SPHKAP: variants seen among roughly 807,000 people sequenced by gnomAD.
The protein encoded by SPHKAP is SPHK1 interactor, AKAP domain containing, also known as A-kinase anchor protein SPHKAP.
In SPHKAP, 67 loss-of-function variants were observed where a neutral mutation model predicts 137.5. The observed-to-expected ratio is 0.49, with a 90% CI of 0.40 to 0.60. SPHKAP has a LOEUF of 0.60. Ranked by LOEUF, SPHKAP falls within the 20% of genes least tolerant of loss-of-function variation. The probability of loss-of-function intolerance (pLI) is 0.00; values close to 1 mark genes in which losing one functional copy is unlikely to be tolerated. For synonymous variants in SPHKAP, 813 were observed against 785.3 expected (o/e 1.04, Z -0.59); for missense variants, 2,097 against 2,069.3 (o/e 1.01, Z -0.26).
intron 3 of SPHKAP, among the ~76,000 whole-genome samples, chr2:228,047,162 A>C (rs1206498406): frequency 6.6e-6 from 1 of 152,186 alleles, no homozygotes; most frequent in Non-Finnish European, 1.5e-5. Flanking sequence ...ACAAGAAGTT[A>C]CTTTAAAAAT....
intron 3 of SPHKAP, among the ~76,000 whole-genome samples, chr2:228,044,286 G>A (rs1360338323): frequency 6.6e-6 from 1 of 152,210 alleles, no homozygotes; most frequent in Non-Finnish European, 1.5e-5. Flanking sequence ...ACATAGGGAA[G>A]TAGAAAAATA....
At chr2:228,061,993 T>C (rs1199576800) in intron 3 of SPHKAP, among the ~76,000 whole-genome samples, 3 of 152,044 alleles carry the variant, frequency 2.0e-5, no homozygotes, top group East Asian at 1.9e-4. Flanking sequence ...CTTGGAAATA[T>C]GTTTAGTGTG....
chr2:228,113,102 GC>G (rs1177536851), intron 2 of SPHKAP, among the ~76,000 whole-genome samples: 1 of 152,054 alleles, frequency 6.6e-6, no homozygotes, highest in Non-Finnish European at 1.5e-5. Context: ...ATATTCATTT[GC>G]CACATACATG....
chr2:228,003,248 A>T (rs1279784504), intron 7 of SPHKAP, among the ~76,000 whole-genome samples: 6 of 152,122 alleles, frequency 3.9e-5, no homozygotes, highest in African/African-American at 1.4e-4. Flanking sequence ...TTCGTTGAGC[A>T]GTGGTTTGTA....
At chr2:228,030,566 T>TAAAAAAAAAAAAAAA (rs1695269812) in intron 3 of SPHKAP, among the ~76,000 whole-genome samples, 1 of 132,804 alleles carries the variant, frequency 7.5e-6, no homozygotes, top group African/African-American at 2.8e-5. Context: ...ATAAAAAAAT[T>TAAAAAAAAAAAAAAA]AAAATATTCT....
chr2:228,071,653 T>C (rs1697009630), intron 3 of SPHKAP, among the ~76,000 whole-genome samples: 1 of 152,234 alleles, frequency 6.6e-6, no homozygotes, highest in Non-Finnish European at 1.5e-5. Flanking sequence ...TCTGGTGGTA[T>C]AGCTGCAGTG....
rs374395516 is a variant in SPHKAP at position 228,017,652 on chromosome 2, G to T, written c.3202C>A (p.Arg1068=). The T allele has an allele frequency of 3.1e-6, 5 of 1,613,956 alleles. No individual in the cohort carries two copies. The highest frequency in any genetic ancestry group is 4.2e-6 in the Non-Finnish European group (5 of 1,180,026). ...MWQAQGYPRN[R]LLSGDRWSRL... is the part of the protein sequence containing the mutation. ...CTCCACCTGTCGCCACTCAGTAACCGATTCCGGGGATAGCCCTGCGCCTGC... is the reference window on the plus strand; with the variant it reads ...CTCCACCTGTCGCCACTCAGTAACCTATTCCGGGGATAGCCCTGCGCCTGC... The change falls in exon 7 of 12, where the codon CGG becomes AGG. Residue 1068 remains arginine, a synonymous_variant. Transcript: ENST00000392056.
rs1196541914 is a variant in SPHKAP, at chr2:228,019,135, C to A, written c.1719G>T (p.Leu573=). ...QVASAVAVCG[L]GEREEVTCSV... ...AGCATGTCACCTCTTCTCTTTCACC[C>A]AGACCACAGACAGCCACGGCACTGG... The change falls in exon 7 of 12, where the codon CTG becomes CTT. Residue 573 remains leucine (L), a synonymous_variant. Transcript: ENST00000392056. 1 of 1,613,920 alleles carries A rather than the reference C, an allele frequency of 6.2e-7. No individual in the cohort carries two copies. Among genetic ancestry groups the A allele is most frequent in the Non-Finnish European group, 8.5e-7 (1 of 1,180,028 alleles).
intron 2 of SPHKAP, among the ~76,000 whole-genome samples, chr2:228,111,731 C>A (rs1698523649): frequency 1.3e-5 from 2 of 152,020 alleles, no homozygotes; most frequent in South Asian, 4.1e-4. Context: ...CAGAAATTTT[C>A]AGGTTGAAAA....
intron 3 of SPHKAP, among the ~76,000 whole-genome samples, chr2:228,099,725 T>A (rs1218097742): frequency 6.6e-6 from 1 of 152,190 alleles, no homozygotes; most frequent in African/African-American, 2.4e-5. Context: ...GTAGTTCTCT[T>A]TGTAGAGATC....
intron 7 of SPHKAP, among the ~76,000 whole-genome samples, chr2:228,014,964 C>T (rs1320809118): frequency 6.6e-6 from 1 of 151,910 alleles, no homozygotes; most frequent in Non-Finnish European, 1.5e-5. Flanking sequence ...TACATGTGCA[C>T]AAAGTGCAGG....
At chr2:228,101,631 AATT>A (rs1171767319) in intron 3 of SPHKAP, among the ~76,000 whole-genome samples, 1 of 152,180 alleles carries the variant, frequency 6.6e-6, no homozygotes, top group African/African-American at 2.4e-5. Flanking sequence ...AGGTAAATAC[AATT>A]ATTATCTCTA....
At chr2:228,040,480 T>C (rs1210994902) in intron 3 of SPHKAP, among the ~76,000 whole-genome samples, 3 of 152,222 alleles carry the variant, frequency 2.0e-5, no homozygotes, top group African/African-American at 7.2e-5. Context: ...GAGAAAATGT[T>C]GCATTTATAT....
At chr2:228,124,639 G>A (rs1312082927) in intron 2 of SPHKAP, among the ~76,000 whole-genome samples, 1 of 151,364 alleles carries the variant, frequency 6.6e-6, no homozygotes, top group Admixed American at 6.6e-5. Context: ...TGTAAATGAC[G>A]AGTTAATGGG....
At chr2:228,142,484 A>C (rs1019528592) in intron 1 of SPHKAP, among the ~76,000 whole-genome samples, 5 of 152,068 alleles carry the variant, frequency 3.3e-5, no homozygotes, top group African/African-American at 4.8e-5. Context: ...AAAAAAAAAA[A>C]GAAGGATTAT....
At chr2:228,071,625 C>T (rs1169454407) in intron 3 of SPHKAP, among the ~76,000 whole-genome samples, 3 of 152,002 alleles carry the variant, frequency 2.0e-5, no homozygotes, top group Non-Finnish European at 1.5e-5. Flanking sequence ...ACAAAAAGTG[C>T]AAGGCTTGTT....
intron 3 of SPHKAP, among the ~76,000 whole-genome samples, chr2:228,032,145 A>G (rs1429233886): frequency 6.6e-6 from 1 of 152,198 alleles, no homozygotes; most frequent in Non-Finnish European, 1.5e-5. Flanking sequence ...AAAAAATTAG[A>G]TGAATGGATA....
At chr2:228,142,872 T>TG (rs1317632408) in intron 1 of SPHKAP, among the ~76,000 whole-genome samples, 4 of 152,144 alleles carry the variant, frequency 2.6e-5, no homozygotes, top group Non-Finnish European at 5.9e-5. Context: ...AAATGAGTGT[T>TG]GCTTTGCATG....
At chr2:228,134,097 A>AAAGG (rs749368524) in intron 1 of SPHKAP, among the ~76,000 whole-genome samples, 62 of 142,236 alleles carry the variant, frequency 4.4e-4, no homozygotes, top group African/African-American at 1.5e-3. Flanking sequence ...AGAAGTAAAG[A>AAAGG]AAGGAAGGAA....
Sources: allele counts gnomAD v4.1 joint callset (sites outside exome capture counted in the v4.1 genomes callset), GRCh38; gene constraint gnomAD v4.1.1; transcripts MANE v1.5; gene names NCBI Gene and HGNC (gene_info 2026-07-23, HGNC 2026-07-21).